KIAA1217: variants seen among roughly 807,000 people sequenced by gnomAD.
KIAA1217 encodes the protein sickle tail protein homolog.
Under a neutral mutation model 163.9 loss-of-function variants are expected in KIAA1217, and 88 were observed. The ratio of observed to expected loss-of-function variants is 0.54; its 90% CI spans 0.45 to 0.64. The LOEUF (loss-of-function observed/expected upper bound fraction) is 0.64. Ranked by LOEUF, KIAA1217 falls within the 30% of genes least tolerant of loss-of-function variation. The probability of loss-of-function intolerance (pLI) is 0.00; values close to 1 mark genes in which losing one functional copy is unlikely to be tolerated. For synonymous variants in KIAA1217, 903 were observed against 923.1 expected, an observed-to-expected ratio of 0.98 and a Z score of 0.39; for missense variants, 2,372 against 2,475.0, an observed-to-expected ratio of 0.96 and a Z score of 0.88.
At position 24,542,635 on chromosome 10, in the gene KIAA1217, C is replaced by A. The variant is rs781218786; in HGVS notation, c.3535-58C>A. 6.5e-5 allele frequency: 104 copies of A among 1,592,080 alleles called. 1 individual carries two copies. The East Asian group carries it at 2.3e-3, about 35-fold the overall frequency. ...ATTAAAGGAACGATTTAGTTATAGT[C>A]CACTTTTTTGGGGGGATGTGGTTTT... On this transcript the variant is annotated intron_variant, in intron 17 of 20. Transcript: ENST00000376454.
intron 3 of KIAA1217, among the ~76,000 whole-genome samples, chr10:24,418,739 C>G (rs1381751201): frequency 6.6e-6 from 1 of 151,934 alleles, no homozygotes; most frequent in African/African-American, 2.4e-5. Flanking sequence ...TGTTTGTAAC[C>G]CTTTTTAAAA....
chr10:24,444,852 T>C (rs2060792361), intron 5 of KIAA1217, among the ~76,000 whole-genome samples: 2 of 152,176 alleles, frequency 1.3e-5, no homozygotes, highest in Non-Finnish European at 2.9e-5. Flanking sequence ...GGTACAGGCA[T>C]TTGTGGCGTG....
chr10:23,759,118 T>A (rs1285245649), intron 1 of KIAA1217, among the ~76,000 whole-genome samples: 1 of 152,196 alleles, frequency 6.6e-6, no homozygotes, highest in African/African-American at 2.4e-5. Flanking sequence ...TAGTTTCTAT[T>A]GTTTGTTTTT....
chr10:24,514,642 C>A (rs2069749008), intron 10 of KIAA1217, among the ~76,000 whole-genome samples: 1 of 152,170 alleles, frequency 6.6e-6, no homozygotes. Context: ...GTCTTTGTGA[C>A]AGCCCAATTA....
chr10:23,907,808 A>G (rs533544584), intron 1 of KIAA1217, among the ~76,000 whole-genome samples: 2 of 152,128 alleles, frequency 1.3e-5, no homozygotes, highest in Non-Finnish European at 2.9e-5. Context: ...AAGTTTACAT[A>G]AAATTGACTC....
chr10:24,157,002 A>G, intron 2 of KIAA1217, among the ~76,000 whole-genome samples: 1 of 152,182 alleles, frequency 6.6e-6, no homozygotes, highest in East Asian at 1.9e-4. Flanking sequence ...TACACTTTTA[A>G]ACACTCATTT....
At chr10:24,544,674 C>CAGCT (rs1435113589) in intron 19 of KIAA1217, among the ~76,000 whole-genome samples, 193 bp downstream of exon 19, 2 of 151,362 alleles carry the variant, frequency 1.3e-5, no homozygotes, top group Non-Finnish European at 2.9e-5. Context: ...AGGTATCTAA[C>CAGCT]AGCTAATCAG....
chr10:24,096,760 G>A (rs1296303103), intron 2 of KIAA1217, among the ~76,000 whole-genome samples: 6 of 151,970 alleles, frequency 3.9e-5, no homozygotes, highest in Non-Finnish European at 7.4e-5. Flanking sequence ...TCTGCCTCCC[G>A]TGACTCCAGA....
intron 2 of KIAA1217, among the ~76,000 whole-genome samples, chr10:24,172,373 G>T (rs775347670): frequency 1.3e-5 from 2 of 152,162 alleles, no homozygotes; most frequent in African/African-American, 4.8e-5. Context: ...CTGGGATTCC[G>T]AAGGGAGAAA....
rs532473354 is a variant in KIAA1217, at chr10:23,909,366, A to T, written c.-320-97859A>T. On this transcript the variant is annotated intron_variant, in intron 1 of 18. Transcript: ENST00000376462. ...ATAACCATTGGAAATAAAAAAAATT[A>T]AAAAATAATAAAAATAAATTAAAAA... Among the ~76,000 whole-genome samples, 20 of 151,490 alleles carry T rather than the reference A, an allele frequency of 1.3e-4. No homozygotes were observed. The East Asian group carries it at 1.4e-3, about 10-fold the overall frequency.
chr10:24,086,122 T>C (rs1294401673), intron 2 of KIAA1217, among the ~76,000 whole-genome samples: 3 of 148,352 alleles, frequency 2.0e-5, no homozygotes, highest in Non-Finnish European at 4.5e-5. Flanking sequence ...CCTGAGCAGG[T>C]GAGATTCTAT....
At chr10:24,267,558 C>CT (rs2076354972) in intron 2 of KIAA1217, among the ~76,000 whole-genome samples, 1 of 152,212 alleles carries the variant, frequency 6.6e-6, no homozygotes, top group Non-Finnish European at 1.5e-5. Context: ...AATGATCTTC[C>CT]TTTCTCAGCC....
intron 1 of KIAA1217, among the ~76,000 whole-genome samples, chr10:23,758,686 CT>C (rs34055872): frequency 0.13 from 7,713 of 59,830 alleles, 542 homozygotes; most frequent in African/African-American, 0.25. Context: ...TTCTTTCTTT[CT>C]TTTTTTTTTT....
intron 1 of KIAA1217, among the ~76,000 whole-genome samples, chr10:23,820,646 T>TTTGCAAAGACATCAGG (rs2131011363): frequency 6.6e-6 from 1 of 152,284 alleles, no homozygotes; most frequent in Admixed American, 6.5e-5. Context: ...GTGAATGTTA[T>TTTGCAAAGACATCAGG]TTGCAAAGAC....
At chr10:23,933,348 G>T (rs1016846258) in intron 1 of KIAA1217, among the ~76,000 whole-genome samples, 1 of 152,176 alleles carries the variant, frequency 6.6e-6, no homozygotes, top group Non-Finnish European at 1.5e-5. Flanking sequence ...CTTTGGACTA[G>T]GGTTCCAGAG....
chr10:24,080,646 T>C (rs879809040), intron 2 of KIAA1217, among the ~76,000 whole-genome samples: 3 of 152,224 alleles, frequency 2.0e-5, no homozygotes, highest in Admixed American at 1.3e-4. Context: ...CAACTTTGCA[T>C]AGTCATTTAA....
chr10:24,272,633 T>C (rs919071106), intron 2 of KIAA1217, among the ~76,000 whole-genome samples: 3 of 152,226 alleles, frequency 2.0e-5, no homozygotes, highest in Non-Finnish European at 2.9e-5. Flanking sequence ...CAAATTGAGA[T>C]AGCTGTTCAA....
At chr10:23,735,512 A>C (rs115151031) in intron 1 of KIAA1217, among the ~76,000 whole-genome samples, 2,157 of 152,112 alleles carry the variant, frequency 0.014, 45 homozygotes, top group African/African-American at 0.046. Flanking sequence ...TTTAATTTTA[A>C]AATTATATTT....
intron 1 of KIAA1217, among the ~76,000 whole-genome samples, chr10:23,934,617 A>ATTTTTT (rs1564545932): frequency 3.0e-5 from 2 of 66,216 alleles, no homozygotes; most frequent in Non-Finnish European, 5.3e-5. Flanking sequence ...GTATATATAT[A>ATTTTTT]TATATATATT....
Sources: allele counts gnomAD v4.1 joint callset (sites outside exome capture counted in the v4.1 genomes callset), GRCh38; gene constraint gnomAD v4.1.1; transcripts MANE v1.5; gene names NCBI Gene and HGNC (gene_info 2026-07-23, HGNC 2026-07-21).